ZNF502: variants seen among roughly 807,000 people sequenced by gnomAD.
The protein encoded by ZNF502 is zinc finger protein 502.
In ZNF502, 29 loss-of-function variants were observed where a neutral mutation model predicts 43.6. That is an observed-to-expected ratio of 0.67 (90% CI 0.50 to 0.91). ZNF502 has a LOEUF of 0.91. Ranked by LOEUF, ZNF502 falls within the 40% of genes least tolerant of loss-of-function variation. The probability of loss-of-function intolerance (pLI) is 0.00; values close to 1 mark genes in which losing one functional copy is unlikely to be tolerated. For synonymous variants in ZNF502, 171 were observed against 207.4 expected (o/e 0.82, Z 1.51); for missense variants, 591 against 647.2 (o/e 0.91, Z 0.94).
Position 44,722,103 on chromosome 3 carries a change from A to G in ZNF502, c.1286A>G (p.His429Arg). ...SICLIRHQRS[H>R]TGEKPYKCNE... Reference sequence around the variant, plus strand: ...TGCCTTATTCGGCACCAGAGAAGTCACACTGGAGAAAAACCCTATAAATGC... The same window carrying G: ...TGCCTTATTCGGCACCAGAGAAGTCGCACTGGAGAAAAACCCTATAAATGC... The change falls in exon 3 of 3, where the codon CAC (histidine) becomes CGC (arginine). Residue 429 changes from histidine to arginine, a missense_variant. Coordinates refer to ENST00000436624, the MANE Select transcript of ZNF502 (RefSeq NM_001134442.3). The G allele has an allele frequency of 6.2e-7, 1 of 1,614,218 alleles. No homozygotes were observed. The highest frequency in any genetic ancestry group is 8.5e-7 in the Non-Finnish European group (1 of 1,180,032).
chr3:44,723,410 A>G lies in ZNF502; in HGVS notation c.*958A>G, dbSNP rs555085289. 1 of 152,356 alleles carries G rather than the reference A, an allele frequency of 6.6e-6. No homozygotes were observed. Among genetic ancestry groups the G allele is most frequent in the Admixed American group, 6.5e-5 (1 of 15,308 alleles). The allele number at this position is 152,356 out of a possible 1,614,324, so 9.4% of individuals were successfully genotyped here. A position where few individuals can be genotyped will look rare whatever the true frequency, so the allele number is the denominator to read the frequency against. ...TTGGTGTACAGAGACCAGAGGAGAGAGACACACTAGGACTAACAATGTCCT... is the reference window on the plus strand; with the variant it reads ...TTGGTGTACAGAGACCAGAGGAGAGGGACACACTAGGACTAACAATGTCCT... On this transcript the variant is annotated 3_prime_UTR_variant, in exon 3 of 3. Coordinates refer to ENST00000436624, the MANE Select transcript of ZNF502 (RefSeq NM_001134442.3).
chr3:44,720,367 C>T (rs779011961), intron 2 of ZNF502, 51 bp downstream of exon 2: 3 of 1,591,326 alleles, frequency 1.9e-6, no homozygotes, highest in Admixed American at 1.7e-5. Context: ...CAATAGGAAG[C>T]CTTTGGAAAT....
chr3:44,713,492 G>C (rs539487449), intron 1 of ZNF502, among the ~76,000 whole-genome samples: 1 of 152,102 alleles, frequency 6.6e-6, no homozygotes. Context: ...AGCACTTACT[G>C]TATACCAGGC....
Position 44,721,703 on chromosome 3 carries a change from A to C in ZNF502, c.886A>C (p.Ile296Leu). 1 of 1,613,180 alleles carries C rather than the reference A, an allele frequency of 6.2e-7. No homozygotes were observed. Among genetic ancestry groups the C allele is most frequent in the Non-Finnish European group, 8.5e-7 (1 of 1,179,358 alleles). The change falls in exon 3 of 3, where the codon ATA becomes CTA. Residue 296 changes from isoleucine (I) to leucine (L), a missense_variant. Ile to Leu is a conservative substitution (Grantham distance 5, BLOSUM62 2). Coordinates refer to ENST00000436624, the MANE Select transcript of ZNF502 (RefSeq NM_001134442.3). ...QRIHTGEKPYICSECGSSFRK... is the reference protein window; with the variant it reads ...QRIHTGEKPYLCSECGSSFRK... ...AATTCACACTGGTGAGAAGCCTTAC[A>C]TATGCAGTGAATGTGGCTCTTCTTT...
intron 1 of ZNF502, among the ~76,000 whole-genome samples, chr3:44,717,204 CT>C (rs1704167031): frequency 6.6e-6 from 1 of 151,652 alleles, no homozygotes; most frequent in Non-Finnish European, 1.5e-5. Context: ...AGTAATCGCA[CT>C]TTTTTTTCCA....
Position 44,721,082 on chromosome 3 carries a change from A to T in ZNF502, c.265A>T (p.Ile89Phe). ...AGGAGGTTTTGGGAGAATAACTTTCATCCACAAAGAAGCACCCCCTGAAAT... is the reference window on the plus strand; with the variant it reads ...AGGAGGTTTTGGGAGAATAACTTTCTTCCACAAAGAAGCACCCCCTGAAAT... ...QEGGFGRITF[I>F]HKEAPPEIIS... The change falls in exon 3 of 3, where the codon ATC becomes TTC. Residue 89 changes from isoleucine (I) to phenylalanine (F), a missense_variant. Physicochemically the swap from Ile to Phe is conservative, Grantham distance 21 (BLOSUM62 0). Transcript: ENST00000436624. 1 of 1,614,180 alleles carries T rather than the reference A, an allele frequency of 6.2e-7. No individual in the cohort carries two copies. The highest frequency in any genetic ancestry group is 1.6e-4 in the Middle Eastern group (1 of 6,062).
At position 44,714,302 on chromosome 3, in the gene ZNF502, T is replaced by C. The variant is rs544444119; in HGVS notation, c.-60+1562T>C. On this transcript the variant is annotated intron_variant, in intron 1 of 2. Coordinates refer to ENST00000436624, the MANE Select transcript of ZNF502 (RefSeq NM_001134442.3). ...GATCTGCAGAGGGATCTTTTTAGCA[T>C]CTTAAAATCACTAACAGCCAGATTA... Among the ~76,000 whole-genome samples, 7 of 152,304 alleles carry C rather than the reference T, an allele frequency of 4.6e-5. No individual in the cohort carries two copies. In the East Asian group the frequency reaches 1.3e-3, roughly 29 times the overall value.
intron 1 of ZNF502, among the ~76,000 whole-genome samples, chr3:44,716,483 C>G (rs1704149841): frequency 6.6e-6 from 1 of 152,160 alleles, no homozygotes; most frequent in African/African-American, 2.4e-5. Context: ...AGCCACTGCG[C>G]CCAGCCGAAT....
intron 1 of ZNF502, among the ~76,000 whole-genome samples, chr3:44,717,068 A>G (rs1434154062): frequency 1.3e-5 from 2 of 152,058 alleles, no homozygotes; most frequent in Non-Finnish European, 1.5e-5. Context: ...TGTCCTATCC[A>G]TTTTGCATCA....
intron 1 of ZNF502, among the ~76,000 whole-genome samples, chr3:44,718,666 G>A (rs55880642): frequency 0.014 from 2,168 of 152,004 alleles, 25 homozygotes; most frequent in Admixed American, 0.023. Context: ...CCTTTCACAC[G>A]TCTAAAGGGG....
intron 1 of ZNF502, among the ~76,000 whole-genome samples, chr3:44,713,276 T>C (rs1316000809): frequency 6.6e-6 from 1 of 152,222 alleles, no homozygotes; most frequent in African/African-American, 2.4e-5. Flanking sequence ...GTTGACAGCT[T>C]GTATGTGATA....
At position 44,721,993 on chromosome 3, in the gene ZNF502, C is replaced by T. The variant is rs777904951; in HGVS notation, c.1176C>T (p.Thr392=). ...GTGGCAAAGCGTTTACTCAGAGCACCCCACTCACTAAACATCAGAGAATAC... is the reference window on the plus strand; with the variant it reads ...GTGGCAAAGCGTTTACTCAGAGCACTCCACTCACTAAACATCAGAGAATAC... ...KECGKAFTQS[T]PLTKHQRIHT... Residue 392 remains threonine, a synonymous_variant, in exon 3 of 3, where the codon ACC becomes ACT. Coordinates refer to ENST00000436624, the MANE Select transcript of ZNF502 (RefSeq NM_001134442.3). The T allele has an allele frequency of 5.0e-6, 8 of 1,613,928 alleles. No individual in the cohort carries two copies. The South Asian group carries it at 6.6e-5, about 13-fold the overall frequency.
chr3:44,720,032 T>G (rs1279766510), intron 1 of ZNF502, among the ~76,000 whole-genome samples, 171 bp from the exon 2 acceptor site: 1 of 152,264 alleles, frequency 6.6e-6, no homozygotes, highest in Non-Finnish European at 1.5e-5. Flanking sequence ...GGTGTGAACC[T>G]AGGAGGCTAC....
At position 44,723,778 on chromosome 3, in the gene ZNF502, A is replaced by G. The variant is rs565079140; in HGVS notation, c.*1326A>G. On this transcript the variant is annotated 3_prime_UTR_variant, in exon 3 of 3. Transcript: ENST00000436624. ...ATTTAAAATAATTTCTAAGCTGTGAAGCTTATAGCATTTTTAAAGTATGGC... is the reference window on the plus strand; with the variant it reads ...ATTTAAAATAATTTCTAAGCTGTGAGGCTTATAGCATTTTTAAAGTATGGC... 2.1e-4 allele frequency: 32 copies of G among 151,996 alleles called. No individual in the cohort carries two copies. The highest frequency in any genetic ancestry group is 7.5e-4 in the African/African-American group (31 of 41,480). 9.4% of individuals were successfully genotyped at this position (151,996 alleles called of 1,614,324 possible).
chr3:44,720,563 T>C (rs551514401), intron 2 of ZNF502, among the ~76,000 whole-genome samples: 4 of 152,352 alleles, frequency 2.6e-5, no homozygotes, highest in African/African-American at 9.6e-5. Flanking sequence ...ACCATTCATG[T>C]TTCCTGTCTT....
In ZNF502 at chr3:44,721,292, G is replaced by A. The variant is rs550552014; in HGVS notation, c.475G>A (p.Glu159Lys). 2.5e-6 allele frequency: 4 copies of A among 1,614,116 alleles called. No homozygotes were observed. In the South Asian group the frequency reaches 4.4e-5, roughly 18 times the overall value. The change falls in exon 3 of 3, where the codon GAA becomes AAA. Residue 159 changes from glutamate to lysine, a missense_variant. Transcript: ENST00000436624. ...CTQKKSWKCNECGKTFTQSSS... is the reference protein window; with the variant it reads ...CTQKKSWKCNKCGKTFTQSSS... Reference sequence around the variant, plus strand: ...ACAGAAAAAATCTTGGAAATGTAATGAATGTGGAAAAACCTTTACTCAGAG... The same window carrying A: ...ACAGAAAAAATCTTGGAAATGTAATAAATGTGGAAAAACCTTTACTCAGAG...
chr3:44,714,829 G>A (rs972379961), intron 1 of ZNF502: 1 of 152,176 alleles, frequency 6.6e-6, no homozygotes, highest in African/African-American at 2.4e-5. Context: ...CGTAAATATT[G>A]TCTAATTTGT....
intron 1 of ZNF502, among the ~76,000 whole-genome samples, chr3:44,718,314 A>G (rs992243611): frequency 6.6e-6 from 1 of 152,162 alleles, no homozygotes; most frequent in Non-Finnish European, 1.5e-5. Flanking sequence ...GACTACTGAA[A>G]TAGCCTCACA....
rs183388814 is a variant in ZNF502, at chr3:44,718,834, T to A, written c.-59-1369T>A. ...GTGTCTGGCTTCTTTTTCCAGCGTC[T>A]AGCACTGATTAGTCACCCAAATGCA... On this transcript the variant is annotated intron_variant, in intron 1 of 2. Coordinates refer to ENST00000436624, the MANE Select transcript of ZNF502 (RefSeq NM_001134442.3). Among the ~76,000 whole-genome samples, 366 of 152,276 alleles carry A rather than the reference T, an allele frequency of 2.4e-3. 1 individual carries two copies. The highest frequency in any genetic ancestry group is 8.0e-3 in the African/African-American group (334 of 41,552).
Sources: gnomAD v4.1 joint callset for allele counts (sites outside exome capture counted in the v4.1 genomes callset) on GRCh38, gnomAD v4.1.1 for gene constraint, MANE v1.5 for transcripts, NCBI Gene and HGNC (gene_info 2026-07-23, HGNC 2026-07-21) for gene names.